CEP350: variants seen among roughly 807,000 people sequenced by gnomAD.
CEP350 encodes centrosome-associated protein 350.
Under a neutral mutation model 331.8 loss-of-function variants are expected in CEP350, and 126 were observed. The ratio of observed to expected loss-of-function variants is 0.38; its 90% CI spans 0.33 to 0.44. The LOEUF (loss-of-function observed/expected upper bound fraction) is 0.44. Among genes scored for constraint, CEP350 ranks in the 20% least tolerant of loss-of-function variants. The probability of loss-of-function intolerance (pLI) is 1.00; values close to 1 mark genes in which losing one functional copy is unlikely to be tolerated. For missense variants in CEP350, 3,406 were observed against 3,634.6 expected, an observed-to-expected ratio of 0.94 and a Z score of 1.62; for synonymous variants, 1,200 against 1,259.5, an observed-to-expected ratio of 0.95 and a Z score of 1.00.
At position 180,054,420 on chromosome 1, in the gene CEP350, T is replaced by C. The variant is rs1335573121; in HGVS notation, c.5180T>C (p.Leu1727Pro). 6.3e-7 allele frequency: 1 copy of C among 1,588,762 alleles called. No individual in the cohort carries two copies. The highest frequency in any genetic ancestry group is 1.3e-5 in the African/African-American group (1 of 74,436). The change falls in exon 25 of 38, where the codon CTA (leucine) becomes CCA (proline). Residue 1727 changes from leucine to proline, a missense_variant. Leu to Pro is a moderately conservative substitution (Grantham distance 98, BLOSUM62 -3). This residue lies in a region of CEP350 where 104 missense variants were observed against 143.3 expected (regional missense o/e 0.73). Coordinates refer to ENST00000367607, the MANE Select transcript of CEP350 (RefSeq NM_014810.5). ...LAWLEHQKKH[L>P]RDKGEDDKMP... is the part of the protein sequence containing the mutation. ...ATGAAAAATATTATTTGCAGACATC[T>C]ACGAGACAAAGGAGAGGATGATAAA...
Position 180,084,063 on chromosome 1 carries a change from T to G in CEP350, c.6170T>G (p.Leu2057Arg). The change falls in exon 31 of 38, where the codon CTG becomes CGG. Residue 2057 changes from leucine (L) to arginine (R), a missense_variant. By Grantham distance (102) the Leu-to-Arg change is moderately radical. Around this residue, in one of 5 missense-constraint regions of CEP350, gnomAD observed 1,415 missense variants for 1,512.3 expected, o/e 0.94. Transcript: ENST00000367607. ...GATATTGAAGGTAGGATCAGAGCTCTGAAGGATGAGTTGCGGAAAAGAAAA... is the reference window on the plus strand; with the variant it reads ...GATATTGAAGGTAGGATCAGAGCTCGGAAGGATGAGTTGCGGAAAAGAAAA... ...QSDIEGRIRA[L>R]KDELRKRKSV... 6.2e-7 allele frequency: 1 copy of G among 1,602,324 alleles called. No homozygotes were observed. Among genetic ancestry groups the G allele is most frequent in the Non-Finnish European group, 8.5e-7 (1 of 1,173,208 alleles).
rs186342620 is a variant in CEP350 at position 180,014,445 on chromosome 1, G to T, written c.1992G>T (p.Leu664Phe). 3.4e-4 allele frequency: 546 copies of T among 1,609,942 alleles called. 7 individuals are homozygous for T. The East Asian group carries it at 0.012, about 35-fold the overall frequency. ...TRRLQETYSK[L>F]LLEKTLLEEP... ...GACTACAGGAAACTTACTCCAAATTGCTACTAGAAAAGACCTTGCTTGAAG... is the reference window on the plus strand; with the variant it reads ...GACTACAGGAAACTTACTCCAAATTTCTACTAGAAAAGACCTTGCTTGAAG... Residue 664 changes from leucine (L) to phenylalanine (F), a missense_variant, in exon 10 of 38, where the codon TTG (leucine) becomes TTT (phenylalanine). Leu to Phe is a conservative substitution (Grantham distance 22). This residue lies in a region of CEP350 where 1,857 missense variants were observed against 1,909.2 expected (regional missense o/e 0.97). Coordinates refer to ENST00000367607, the MANE Select transcript of CEP350 (RefSeq NM_014810.5).
At chr1:180,056,626 G>A (rs1306798280) in intron 25 of CEP350, among the ~76,000 whole-genome samples, 2 of 151,794 alleles carry the variant, frequency 1.3e-5, no homozygotes, top group Middle Eastern at 6.8e-3. Context: ...TGCGCCACCA[G>A]TGCCAGGTAA....
chr1:179,958,774 T>G (rs1250068342), intron 1 of CEP350, among the ~76,000 whole-genome samples: 1 of 152,232 alleles, frequency 6.6e-6, no homozygotes, highest in African/African-American at 2.4e-5. Context: ...GTTACAATTA[T>G]GTATTGACTT....
chr1:179,966,067 A>G (rs933433740), intron 1 of CEP350, among the ~76,000 whole-genome samples: 2 of 152,212 alleles, frequency 1.3e-5, no homozygotes, highest in Non-Finnish European at 2.9e-5. Flanking sequence ...GAGGAAGCTT[A>G]CTTTACCTGG....
intron 11 of CEP350, among the ~76,000 whole-genome samples, chr1:180,016,894 C>T (rs1338621374): frequency 2.0e-5 from 3 of 152,036 alleles, no homozygotes; most frequent in Non-Finnish European, 2.9e-5. Flanking sequence ...AACTCCTGAC[C>T]TCAAGTGATC....
At position 180,021,028 on chromosome 1, in the gene CEP350, G is replaced by C. The variant is rs768095710; in HGVS notation, c.3235+19G>C. 1.6e-5 allele frequency: 23 copies of C among 1,460,962 alleles called. No individual in the cohort carries two copies. In the South Asian group the frequency reaches 3.4e-4, roughly 22 times the overall value. 90.5% of individuals were successfully genotyped at this position (1,460,962 alleles called of 1,614,324 possible). On this transcript the variant is annotated intron_variant, in intron 12 of 37. Transcript: ENST00000367607. ...GGAAAAGGTGAGAAAAATAAATATA[G>C]CTTGTACTGTTTGTATATTAAGATG...
intron 17 of CEP350, among the ~76,000 whole-genome samples, chr1:180,039,991 A>AT: frequency 6.6e-6 from 1 of 152,158 alleles, no homozygotes; most frequent in South Asian, 2.1e-4. Context: ...ACATTTTAAA[A>AT]TTTATTCCCA....
chr1:180,070,562 G>C (rs76019536), intron 27 of CEP350, among the ~76,000 whole-genome samples: 3,134 of 152,110 alleles, frequency 0.021, 55 homozygotes, highest in Non-Finnish European at 0.025. Flanking sequence ...AGAAATTGAG[G>C]CCCACAGAGT....
chr1:180,077,226 C>CA (rs1659276571), intron 28 of CEP350, among the ~76,000 whole-genome samples: 1 of 150,886 alleles, frequency 6.6e-6, no homozygotes, highest in Non-Finnish European at 1.5e-5. Flanking sequence ...TATACATCAG[C>CA]AAAAATTGAT....
chr1:180,022,358 G>A (rs954658681), intron 12 of CEP350, among the ~76,000 whole-genome samples: 1 of 152,074 alleles, frequency 6.6e-6, no homozygotes, highest in Non-Finnish European at 1.5e-5. Context: ...ATGAAATGTT[G>A]TCTGGAATTT....
In CEP350 at chr1:180,094,628, G is replaced by A. The variant is rs369067314; in HGVS notation, c.8511+12G>A. 56 of 1,602,170 alleles carry A rather than the reference G, an allele frequency of 3.5e-5. No homozygotes were observed. The highest frequency in any genetic ancestry group is 4.5e-5 in the East Asian group (2 of 44,788). ...TGTGTCCCAGACCGGTGAGTATTTC[G>A]TCTAGAAAAAGTATCAGTATACCTT... On this transcript the variant is annotated intron_variant, in intron 34 of 37. Coordinates refer to ENST00000367607, the MANE Select transcript of CEP350 (RefSeq NM_014810.5).
intron 11 of CEP350, among the ~76,000 whole-genome samples, chr1:180,018,687 G>A (rs571539799): frequency 5.3e-5 from 8 of 152,144 alleles, no homozygotes; most frequent in Admixed American, 1.3e-4. Context: ...TTTGGTTTAC[G>A]ATTGCAGCCT....
chr1:179,970,034 T>C (rs113896402), intron 1 of CEP350, among the ~76,000 whole-genome samples: 2,570 of 152,286 alleles, frequency 0.017, 85 homozygotes, highest in African/African-American at 0.058. Context: ...TAAGCAAAAG[T>C]GTAGGCCTAT....
rs931502226 is a variant in CEP350, at chr1:180,114,762, C to T, written c.*3601C>T. 1.3e-5 allele frequency: 2 copies of T among 152,622 alleles called. No homozygotes were observed. Among genetic ancestry groups the T allele is most frequent in the Admixed American group, 6.5e-5 (1 of 15,284 alleles). The allele number at this position is 152,622 out of a possible 1,614,324, so 9.5% of individuals were successfully genotyped here. On this transcript the variant is annotated 3_prime_UTR_variant, in exon 38 of 38. Coordinates refer to ENST00000367607, the MANE Select transcript of CEP350 (RefSeq NM_014810.5). ...CACTTAAGGGTGTGGTTTGTAAGTA[C>T]GATCTGTAAAATAACTGGGATGAAT...
intron 11 of CEP350, among the ~76,000 whole-genome samples, chr1:180,017,909 T>A (rs940511873): frequency 6.6e-6 from 1 of 152,262 alleles, no homozygotes; most frequent in East Asian, 1.9e-4. Context: ...CTGAACTTTT[T>A]AAATCTTTGT....
chr1:180,080,525 C>T lies in CEP350; in HGVS notation c.5988C>T (p.Pro1996=), dbSNP rs766412782. 1 of 1,612,846 alleles carries T rather than the reference C, an allele frequency of 6.2e-7. No homozygotes were observed. Among genetic ancestry groups the T allele is most frequent in the Non-Finnish European group, 8.5e-7 (1 of 1,179,472 alleles). Residue 1996 remains proline (P), a synonymous_variant, in exon 30 of 38, where the codon CCC becomes CCT. Coordinates refer to ENST00000367607, the MANE Select transcript of CEP350 (RefSeq NM_014810.5). ...SSTSPSKHSL[P]KSCTSVSKQE... is the part of the protein sequence containing the mutation. Reference sequence around the variant, plus strand: ...GTTTTCTGTTTGAACAGTCACTTCCCAAAAGCTGCACATCTGTGTCAAAGC... The same window carrying T: ...GTTTTCTGTTTGAACAGTCACTTCCTAAAAGCTGCACATCTGTGTCAAAGC...
chr1:180,080,753 A>G (rs1659515281), intron 30 of CEP350, 92 bp downstream of exon 30: 2 of 1,026,920 alleles, frequency 1.9e-6, no homozygotes, highest in Admixed American at 1.8e-5. Flanking sequence ...CTTAGGAAGC[A>G]TATGTAGACA....
intron 31 of CEP350, among the ~76,000 whole-genome samples, chr1:180,086,685 T>C (rs553727875): frequency 2.0e-5 from 3 of 152,246 alleles, no homozygotes; most frequent in East Asian, 1.9e-4. Flanking sequence ...TATATACCTA[T>C]TGAGCTAGAA....
Sources: gnomAD v4.1 joint callset for allele counts (sites outside exome capture counted in the v4.1 genomes callset) on GRCh38, gnomAD v4.1.1 for gene constraint, gnomAD v4.1.1 regional missense constraint, MANE v1.5 for transcripts, NCBI Gene and HGNC (gene_info 2026-07-23, HGNC 2026-07-21) for gene names.